SGCZ: variants seen among roughly 807,000 people sequenced by gnomAD.
SGCZ encodes the protein zeta-sarcoglycan.
A neutral mutation model predicts 41.3 loss-of-function variants in SGCZ; 40 were observed. That is an observed-to-expected ratio of 0.97 (90% CI 0.75 to 1.26). The LOEUF (loss-of-function observed/expected upper bound fraction) is 1.26. SGCZ is among the 50% of genes most tolerant of loss of function. SGCZ has a pLI of 0.00. For missense variants in SGCZ, 552 were observed against 369.8 expected, an observed-to-expected ratio of 1.49 and a Z score of -4.04; for synonymous variants, 206 against 137.5, an observed-to-expected ratio of 1.50 and a Z score of -3.49.
intron 1 of SGCZ, among the ~76,000 whole-genome samples, chr8:15,121,483 A>G (rs868043452): frequency 2.6e-5 from 4 of 152,288 alleles, no homozygotes; most frequent in Middle Eastern, 3.4e-3. Context: ...CTGAACACAC[A>G]TGAGGCAACA....
intron 1 of SGCZ, among the ~76,000 whole-genome samples, chr8:14,904,634 T>G (rs570959276): frequency 1.6e-4 from 25 of 152,136 alleles, no homozygotes; most frequent in Non-Finnish European, 2.9e-4. Context: ...ACTGCACAAT[T>G]TATTGAGGGT....
At chr8:14,625,458 G>A (rs1346130332) in intron 1 of SGCZ, among the ~76,000 whole-genome samples, 2 of 152,144 alleles carry the variant, frequency 1.3e-5, no homozygotes, top group African/African-American at 4.8e-5. Context: ...CATATATATA[G>A]TGTCCTTACT....
At chr8:14,179,027 A>C (rs1197750806) in intron 4 of SGCZ, among the ~76,000 whole-genome samples, 2 of 152,204 alleles carry the variant, frequency 1.3e-5, no homozygotes, top group African/African-American at 2.4e-5. Flanking sequence ...TAAGGTAATC[A>C]GGAAACAAAA....
intron 1 of SGCZ, among the ~76,000 whole-genome samples, chr8:15,043,162 G>C (rs1292485765): frequency 6.6e-6 from 1 of 152,134 alleles, no homozygotes; most frequent in African/African-American, 2.4e-5. Context: ...AGGAAGACAA[G>C]GATGTTGTTT....
At chr8:14,914,550 A>G (rs1799371236) in intron 1 of SGCZ, among the ~76,000 whole-genome samples, 2 of 152,202 alleles carry the variant, frequency 1.3e-5, no homozygotes, top group South Asian at 4.1e-4. Flanking sequence ...TGCATTTAAA[A>G]AAGGCTTATC....
chr8:14,786,495 A>G (rs1186463183), intron 1 of SGCZ, among the ~76,000 whole-genome samples: 1 of 152,168 alleles, frequency 6.6e-6, no homozygotes, highest in Non-Finnish European at 1.5e-5. Context: ...TACAACGTAC[A>G]TGAGAATGGT....
chr8:15,004,012 A>G (rs1001039242), intron 1 of SGCZ, among the ~76,000 whole-genome samples: 2 of 152,118 alleles, frequency 1.3e-5, no homozygotes, highest in Non-Finnish European at 1.5e-5. Flanking sequence ...CCCCTGAGAA[A>G]AGTGAGGTCT....
At chr8:14,633,131 G>A (rs767620453) in intron 1 of SGCZ, among the ~76,000 whole-genome samples, 3 of 151,940 alleles carry the variant, frequency 2.0e-5, no homozygotes, top group Non-Finnish European at 4.4e-5. Context: ...AATGTTTGCT[G>A]AGTTAAAATG....
At chr8:14,655,820 G>C (rs1002488422) in intron 1 of SGCZ, among the ~76,000 whole-genome samples, 2 of 152,002 alleles carry the variant, frequency 1.3e-5, no homozygotes, top group Non-Finnish European at 2.9e-5. Context: ...TCCCTTTCTA[G>C]AATGTTGTCA....
intron 2 of SGCZ, among the ~76,000 whole-genome samples, chr8:14,375,722 G>C (rs1157921585): frequency 6.6e-6 from 1 of 152,014 alleles, no homozygotes; most frequent in Non-Finnish European, 1.5e-5. Flanking sequence ...TTAAAGCACT[G>C]AGCAAAATAA....
In SGCZ at chr8:14,316,660, C is replaced by G. The variant is rs140795172; in HGVS notation, c.336+7443G>C. On this transcript the variant is annotated intron_variant, in intron 3 of 7. Coordinates refer to ENST00000382080, the MANE Select transcript of SGCZ (RefSeq NM_139167.4). ...ATATTATTTTGGTTTTTTGACCTCT[C>G]ACTGGCCTTTGTGTCTTAGACTGTG... is the stretch of plus-strand genomic sequence containing the variant. Among the ~76,000 whole-genome samples, 288 of 152,038 alleles carry G rather than the reference C, an allele frequency of 1.9e-3. 1 individual carries two copies. Among genetic ancestry groups the G allele is most frequent in the African/African-American group, 6.8e-3 (284 of 41,490 alleles).
intron 2 of SGCZ, among the ~76,000 whole-genome samples, chr8:14,386,180 G>C (rs1585436228): frequency 6.6e-6 from 1 of 152,124 alleles, no homozygotes; most frequent in East Asian, 1.9e-4. Flanking sequence ...AAAGTGAAGG[G>C]AGAACATGGA....
intron 1 of SGCZ, among the ~76,000 whole-genome samples, chr8:15,223,735 T>G (rs777670652): frequency 5.8e-4 from 88 of 152,192 alleles, no homozygotes; most frequent in Non-Finnish European, 2.9e-4. Context: ...ACTAATTATA[T>G]TTTGCACATT....
At chr8:15,230,281 T>G (rs924206617) in intron 1 of SGCZ, among the ~76,000 whole-genome samples, 3 of 152,104 alleles carry the variant, frequency 2.0e-5, no homozygotes, top group Admixed American at 2.0e-4. Context: ...TCTTGGAAAT[T>G]AGAGTATTAG....
chr8:14,339,334 C>T (rs934983040), intron 2 of SGCZ, among the ~76,000 whole-genome samples: 2 of 152,132 alleles, frequency 1.3e-5, no homozygotes, highest in Non-Finnish European at 2.9e-5. Context: ...AATGTTAAAC[C>T]AAGTTCTGAA....
At chr8:14,593,183 T>A (rs1034725227) in intron 1 of SGCZ, among the ~76,000 whole-genome samples, 2 of 152,108 alleles carry the variant, frequency 1.3e-5, no homozygotes, top group African/African-American at 4.8e-5. Context: ...AAATTAGATA[T>A]CTTGATAGAG....
intron 3 of SGCZ, among the ~76,000 whole-genome samples, chr8:14,299,806 T>C (rs147117589): frequency 1.3e-5 from 2 of 152,050 alleles, no homozygotes; most frequent in East Asian, 1.9e-4. Flanking sequence ...CTCCTATGTA[T>C]TCACCCAAGA....
chr8:14,566,467 C>A (rs995243011), intron 1 of SGCZ, among the ~76,000 whole-genome samples: 3 of 152,148 alleles, frequency 2.0e-5, no homozygotes, highest in African/African-American at 7.2e-5. Flanking sequence ...ACTGGCGGAT[C>A]TCAGTAGAGA....
intron 2 of SGCZ, among the ~76,000 whole-genome samples, chr8:14,388,366 A>T (rs547751048): frequency 1.3e-5 from 2 of 152,222 alleles, no homozygotes; most frequent in African/African-American, 4.8e-5. Flanking sequence ...TTGGTCAACA[A>T]TGCCTGTGAC....
Sources: gnomAD v4.1 joint callset for allele counts (sites outside exome capture counted in the v4.1 genomes callset) on GRCh38, gnomAD v4.1.1 for gene constraint, MANE v1.5 for transcripts, NCBI Gene and HGNC (gene_info 2026-07-23, HGNC 2026-07-21) for gene names.